VPS13C: variants seen among roughly 807,000 people sequenced by gnomAD.
VPS13C encodes the protein intermembrane lipid transfer protein VPS13C.
VPS13C carries 358 observed loss-of-function variants against 456.8 expected under a neutral mutation model. The ratio of observed to expected loss-of-function variants is 0.78; its 90% confidence interval spans 0.72 to 0.86. The LOEUF is 0.86. Among genes scored for constraint, VPS13C ranks in the 40% least tolerant of loss-of-function variants. The pLI is 0.00. For missense variants in VPS13C, 4,818 were observed against 4,385.4 expected (o/e 1.10, Z -2.79); for synonymous variants, 1,578 against 1,486.7 (o/e 1.06, Z -1.41).
intron 53 of VPS13C, 76 bp from the exon 54 acceptor site, chr15:61,922,838 G>A (rs1290841652): frequency 7.8e-6 from 9 of 1,148,206 alleles, no homozygotes; most frequent in Non-Finnish European, 4.6e-6. Flanking sequence ...ATGATTTTAA[G>A]TGACATACAT....
chr15:61,969,006 G>C (rs958443669), intron 28 of VPS13C, among the ~76,000 whole-genome samples: 1 of 151,952 alleles, frequency 6.6e-6, no homozygotes, highest in Non-Finnish European at 1.5e-5. Context: ...CAGACCCTAG[G>C]GCCACATTTC....
intron 20 of VPS13C, 192 bp downstream of exon 20, chr15:61,983,628 A>G: frequency 1.8e-6 from 1 of 542,872 alleles, no homozygotes. Context: ...TGGAGTAGGG[A>G]AAAATGTATT....
chr15:62,060,363 C>T lies in VPS13C; in HGVS notation c.12G>A (p.Glu4=). 1 of 1,585,652 alleles carries T rather than the reference C, an allele frequency of 6.3e-7. No individual in the cohort carries two copies. The highest frequency in any genetic ancestry group is 8.6e-7 in the Non-Finnish European group (1 of 1,164,708). MVL[E]SVVADLLNRF... ...GGTTCAGCAAGTCCGCGACCACCGA[C>T]TCCAGCACCATGGTGGCGCTGAGGC... The change falls in exon 1 of 85, where the codon GAG becomes GAA. Residue 4 remains glutamate (E), a synonymous_variant. Transcript: ENST00000644861.
At chr15:62,003,731 G>A (rs575611563) in intron 15 of VPS13C, among the ~76,000 whole-genome samples, 6 of 151,662 alleles carry the variant, frequency 4.0e-5, no homozygotes, top group African/African-American at 1.5e-4. Context: ...TAGCATGAAG[G>A]GCTGTTGAAT....
At chr15:61,961,042 T>C (rs576288684) in intron 35 of VPS13C, among the ~76,000 whole-genome samples, 1 of 150,118 alleles carries the variant, frequency 6.7e-6, no homozygotes, top group Admixed American at 6.6e-5. Context: ...GACTGCACCA[T>C]TGCACTCCAG....
Position 61,984,930 on chromosome 15 carries a change from G to T in VPS13C, c.1648C>A (p.Pro550Thr), listed in dbSNP as rs1052708794. ...SVTIRENKNIPEILKIQIIGL... is the reference protein window; with the variant it reads ...SVTIRENKNITEILKIQIIGL... ...ATTATCTGAATTTTTAGTATTTCTG[G>T]AATATTCTTGTTTTCTCTTATCGTA... is the stretch of plus-strand genomic sequence containing the variant. The change falls in exon 19 of 85, where the codon CCA (proline) becomes ACA (threonine). Residue 550 changes from proline to threonine, a missense_variant. By Grantham distance (38) the Pro-to-Thr change is conservative. Coordinates refer to ENST00000644861, the MANE Select transcript of VPS13C (RefSeq NM_020821.3). 5 of 1,612,080 alleles carry T rather than the reference G, an allele frequency of 3.1e-6. No homozygotes were observed. The African/African-American group carries it at 6.7e-5, about 22-fold the overall frequency.
At chr15:61,924,403 T>G (rs1470111185) in intron 53 of VPS13C, among the ~76,000 whole-genome samples, 1 of 152,236 alleles carries the variant, frequency 6.6e-6, no homozygotes. Flanking sequence ...TAATCACTGA[T>G]TTCTTTCTTT....
At position 61,983,919 on chromosome 15, in the gene VPS13C, T is replaced by C. The variant is rs1192761525; in HGVS notation, c.1815A>G (p.Ser605=). The C allele has an allele frequency of 3.1e-6, 5 of 1,614,032 alleles. No individual in the cohort carries two copies. Among genetic ancestry groups the C allele is most frequent in the South Asian group, 1.1e-5 (1 of 91,086 alleles). ...SLVASIGDTT[S]SLLKIKFETN... is the part of the protein sequence containing the mutation. Reference sequence around the variant, plus strand: ...TTTCAAATTTAATTTTAAGCAAGGATGATGTAGTGTCACCAATTGAAGCCA... The same window carrying C: ...TTTCAAATTTAATTTTAAGCAAGGACGATGTAGTGTCACCAATTGAAGCCA... Residue 605 remains serine, a synonymous_variant, in exon 20 of 85, where the codon TCA becomes TCG. Coordinates refer to ENST00000644861, the MANE Select transcript of VPS13C (RefSeq NM_020821.3).
intron 16 of VPS13C, among the ~76,000 whole-genome samples, chr15:61,995,746 G>A (rs934153231): frequency 6.6e-6 from 1 of 152,172 alleles, no homozygotes; most frequent in African/African-American, 2.4e-5. Flanking sequence ...CATCAGTCAC[G>A]TTTCAGATAC....
intron 67 of VPS13C, among the ~76,000 whole-genome samples, chr15:61,885,098 C>G (rs904444022): frequency 1.3e-5 from 2 of 152,012 alleles, no homozygotes; most frequent in African/African-American, 4.8e-5. Flanking sequence ...TATATCCTCT[C>G]CAAATACATG....
At chr15:62,050,921 T>C (rs1454813284) in intron 1 of VPS13C, among the ~76,000 whole-genome samples, 1 of 147,830 alleles carries the variant, frequency 6.8e-6, no homozygotes, top group Non-Finnish European at 1.5e-5. Flanking sequence ...ACATGAAGAG[T>C]TGGAGTCATC....
chr15:61,984,733 T>C, intron 19 of VPS13C, 124 bp downstream of exon 19: 1 of 978,448 alleles, frequency 1.0e-6, no homozygotes, highest in Non-Finnish European at 1.5e-6. Flanking sequence ...AAGGCTATCT[T>C]GACATATACA....
intron 81 of VPS13C, chr15:61,864,397 T>C (rs1894396292): frequency 1.1e-6 from 1 of 899,438 alleles, no homozygotes; most frequent in Non-Finnish European, 1.3e-6. Context: ...CGAGTTTTTT[T>C]ATAATGAATG....
intron 67 of VPS13C, among the ~76,000 whole-genome samples, chr15:61,889,837 C>T: frequency 6.6e-6 from 1 of 152,076 alleles, no homozygotes; most frequent in Admixed American, 6.6e-5. Context: ...CTTCTTTGTA[C>T]ATCCTTTCCT....
At chr15:62,015,337 G>A (rs889277199) in intron 9 of VPS13C, among the ~76,000 whole-genome samples, 5 of 152,006 alleles carry the variant, frequency 3.3e-5, no homozygotes, top group Non-Finnish European at 7.4e-5. Flanking sequence ...TTCTTTTGCT[G>A]TGCAGAAGCT....
At chr15:61,878,187 T>A (rs1360151671) in intron 74 of VPS13C, among the ~76,000 whole-genome samples, 1 of 151,148 alleles carries the variant, frequency 6.6e-6, no homozygotes, top group East Asian at 1.9e-4. Context: ...GTAAAAATGA[T>A]CTACAGGGAA....
intron 5 of VPS13C, among the ~76,000 whole-genome samples, chr15:62,029,121 T>C (rs571470126): frequency 6.6e-6 from 1 of 152,236 alleles, no homozygotes; most frequent in Admixed American, 6.5e-5. Context: ...ATTCAAATTC[T>C]AGCTCTACTA....
At chr15:61,859,030 AC>A (rs548186133) in intron 82 of VPS13C, among the ~76,000 whole-genome samples, 302 of 152,302 alleles carry the variant, frequency 2.0e-3, no homozygotes, top group African/African-American at 6.7e-3. Flanking sequence ...GAGATTACTC[AC>A]GTGTGTACTA....
intron 1 of VPS13C, among the ~76,000 whole-genome samples, chr15:62,059,458 C>T (rs1346497899): frequency 6.6e-6 from 1 of 151,854 alleles, no homozygotes; most frequent in African/African-American, 2.4e-5. Flanking sequence ...TTCATGCAAA[C>T]GATTAAGCTC....
Sources: gnomAD v4.1 joint callset for allele counts (sites outside exome capture counted in the v4.1 genomes callset) on GRCh38, gnomAD v4.1.1 for gene constraint, MANE v1.5 for transcripts, NCBI Gene and HGNC (gene_info 2026-07-23, HGNC 2026-07-21) for gene names.